Variants in TOX2 observed in about 807,000 individuals in gnomAD.
The protein encoded by TOX2 is granulosa cell HMG box 1.
In TOX2, 15 loss-of-function variants were observed where a neutral mutation model predicts 47.4. The ratio of observed to expected loss-of-function variants is 0.32; its 90% CI spans 0.21 to 0.49. The LOEUF (loss-of-function observed/expected upper bound fraction) is 0.49, where lower values mean the gene tolerates loss of function less well. Among genes scored for constraint, TOX2 ranks in the 20% least tolerant of loss-of-function variants. The pLI is 0.99. For missense variants in TOX2, 622 were observed against 673.1 expected (o/e 0.92, Z 0.84); for synonymous variants, 290 against 296.6 (o/e 0.98, Z 0.23).
intron 2 of TOX2, among the ~76,000 whole-genome samples, chr20:43,996,024 A>G (rs1354386679): frequency 6.6e-6 from 1 of 152,206 alleles, no homozygotes; most frequent in African/African-American, 2.4e-5. Flanking sequence ...TTCTGGGTAT[A>G]TATCCAGTAA....
chr20:43,946,442 G>A (rs1227033988), intron 1 of TOX2, among the ~76,000 whole-genome samples: 4 of 152,166 alleles, frequency 2.6e-5, no homozygotes, highest in African/African-American at 9.7e-5. Context: ...GAAGATACCT[G>A]GGCTGAAGAG....
intron 3 of TOX2, among the ~76,000 whole-genome samples, chr20:44,034,795 A>G (rs1263699445): frequency 6.6e-6 from 1 of 152,204 alleles, no homozygotes; most frequent in Non-Finnish European, 1.5e-5. Flanking sequence ...CTGGAAGAGA[A>G]TACCCCCAAA....
chr20:43,928,228 C>T (rs1195678709), intron 1 of TOX2, among the ~76,000 whole-genome samples: 1 of 152,194 alleles, frequency 6.6e-6, no homozygotes, highest in Non-Finnish European at 1.5e-5. Context: ...CTTCAGTTTT[C>T]TCGTATACAA....
At chr20:43,955,088 C>T (rs1477452188) in intron 1 of TOX2, 7 of 282,844 alleles carry the variant, frequency 2.5e-5, no homozygotes, top group Non-Finnish European at 3.7e-5. Flanking sequence ...TCTTTACTCA[C>T]CCCACTTGTG....
intron 1 of TOX2, among the ~76,000 whole-genome samples, chr20:43,960,083 T>C (rs1280252947): frequency 1.3e-5 from 2 of 152,220 alleles, no homozygotes; most frequent in Non-Finnish European, 2.9e-5. Context: ...CCTCAGTAAC[T>C]TACCTTGTGA....
At chr20:43,975,341 A>G (rs771530248) in intron 2 of TOX2, among the ~76,000 whole-genome samples, 2 of 152,174 alleles carry the variant, frequency 1.3e-5, no homozygotes, top group African/African-American at 2.4e-5. Context: ...CATATCCTCA[A>G]CAATTCCCCC....
intron 1 of TOX2, among the ~76,000 whole-genome samples, chr20:43,946,475 C>CA (rs1486412289): frequency 6.6e-6 from 1 of 152,136 alleles, no homozygotes; most frequent in Non-Finnish European, 1.5e-5. Flanking sequence ...TCCAAGAAGG[C>CA]AAGACGGGTG....
intron 2 of TOX2, among the ~76,000 whole-genome samples, chr20:44,004,837 A>G (rs1387784953): frequency 6.6e-6 from 1 of 152,184 alleles, no homozygotes; most frequent in Non-Finnish European, 1.5e-5. Flanking sequence ...CTTACATGCT[A>G]TTGTGGTTTA....
chr20:43,922,770 A>G (rs2069124884), intron 1 of TOX2, among the ~76,000 whole-genome samples: 1 of 152,018 alleles, frequency 6.6e-6, no homozygotes. Flanking sequence ...GAGCAACCTG[A>G]TTGTGGTTTT....
At chr20:43,992,876 G>A (rs2070394760) in intron 2 of TOX2, among the ~76,000 whole-genome samples, 1 of 150,884 alleles carries the variant, frequency 6.6e-6, no homozygotes, top group Non-Finnish European at 1.5e-5. Flanking sequence ...AGAAAAAATG[G>A]TGGAGGGCCA....
At chr20:43,964,479 G>A (rs1423086589) in intron 1 of TOX2, among the ~76,000 whole-genome samples, 2 of 152,210 alleles carry the variant, frequency 1.3e-5, no homozygotes, top group African/African-American at 2.4e-5. Context: ...TGGGGCAGGC[G>A]GGAGCAGTGT....
At chr20:44,034,701 C>T (rs548553398) in intron 3 of TOX2, among the ~76,000 whole-genome samples, 29 of 152,324 alleles carry the variant, frequency 1.9e-4, no homozygotes, top group Non-Finnish European at 2.9e-4. Flanking sequence ...GGACTCCAGA[C>T]TTGTGACCTC....
intron 3 of TOX2, among the ~76,000 whole-genome samples, chr20:44,026,120 G>A (rs1450589991): frequency 6.6e-6 from 1 of 151,402 alleles, no homozygotes; most frequent in Non-Finnish European, 1.5e-5. Context: ...TGCCCAAAAG[G>A]GGCTGGGGAT....
chr20:44,026,986 G>C (rs2071078191), intron 3 of TOX2, among the ~76,000 whole-genome samples: 1 of 152,208 alleles, frequency 6.6e-6, no homozygotes, highest in Admixed American at 6.5e-5. Context: ...TTTCTCGAGA[G>C]TTCATAAAAA....
At chr20:43,974,239 C>A (rs574922295) in intron 2 of TOX2, among the ~76,000 whole-genome samples, 12 of 150,362 alleles carry the variant, frequency 8.0e-5, no homozygotes, top group Admixed American at 3.3e-4. Flanking sequence ...CAGGCCAGGA[C>A]CCTGGGGAAT....
At chr20:43,968,983 G>A (rs998724020) in intron 1 of TOX2, among the ~76,000 whole-genome samples, 5 of 152,228 alleles carry the variant, frequency 3.3e-5, no homozygotes, top group Admixed American at 2.0e-4. Flanking sequence ...TGCTTTGTAT[G>A]TCTCTGTATG....
chr20:44,051,882 CTG>C (rs886365887), intron 4 of TOX2, among the ~76,000 whole-genome samples: 38 of 152,204 alleles, frequency 2.5e-4, no homozygotes, highest in African/African-American at 9.2e-4. Context: ...CCTTGACAAG[CTG>C]TGTTCCCTCG....
intron 8 of TOX2, among the ~76,000 whole-genome samples, 169 bp downstream of exon 8, chr20:44,067,026 C>G (rs1051461444): frequency 6.6e-6 from 1 of 152,176 alleles, no homozygotes; most frequent in South Asian, 2.1e-4. Context: ...AGAGCCAGGC[C>G]CCGGAAGGAC....
Position 44,065,917 on chromosome 20 carries a change from C to CG in TOX2, c.1166_1167insG (p.Pro391AlafsTer32). 1.2e-6 allele frequency: 2 copies of CG among 1,610,310 alleles called. No individual in the cohort carries two copies. The highest frequency in any genetic ancestry group is 2.2e-5 in the South Asian group (2 of 90,834). On this transcript the variant is annotated frameshift_variant, in exon 7 of 9. Transcript: ENST00000341197. LOFTEE classifies it high-confidence loss of function. ...TCTCTGCTGCCAGGCCTCAGTGCGTCCCCGCCGCCGCCACCCTCCTTCCCG... is the reference window on the plus strand; with the variant it reads ...TCTCTGCTGCCAGGCCTCAGTGCGTCGCCCGCCGCCGCCACCCTCCTTCCCG...
Sources: allele counts gnomAD v4.1 joint callset (sites outside exome capture counted in the v4.1 genomes callset), GRCh38; gene constraint gnomAD v4.1.1; transcripts MANE v1.5; gene names NCBI Gene and HGNC (gene_info 2026-07-23, HGNC 2026-07-21).